Variants in PRH1 observed in about 807,000 individuals in gnomAD.
PRH1 encodes the protein proline rich protein HaeIII subfamily 1.
In PRH1, 7 loss-of-function variants were observed where a neutral mutation model predicts 7.9. The ratio of observed to expected loss-of-function variants is 0.89; its 90% confidence interval spans 0.50 to 1.67. The LOEUF (loss-of-function observed/expected upper bound fraction) is 1.67, where lower values mean the gene tolerates loss of function less well. Ranked by LOEUF, PRH1 falls within the 40% of genes most tolerant of loss-of-function variation. The pLI is 0.00. For synonymous variants in PRH1, 45 were observed against 80.8 expected (o/e 0.56, Z 2.38); for missense variants, 109 against 223.6 (o/e 0.49, Z 3.27).
rs758094150 is a variant in PRH1 at position 11,022,385 on chromosome 12, A to C, written c.-126+24635T>G. 12 of 1,614,084 alleles carry C rather than the reference A, an allele frequency of 7.4e-6. No homozygotes were observed. The Admixed American group carries it at 2.0e-4, about 27-fold the overall frequency. ...AACACAGTTGCATACCAAAGGAATAACATGACCCAGAGTAAACCAATTCTG... is the reference window on the plus strand; with the variant it reads ...AACACAGTTGCATACCAAAGGAATACCATGACCCAGAGTAAACCAATTCTG... On this transcript the variant is annotated intron_variant, in intron 1 of 3. Transcript: ENST00000539853.
At chr12:10,923,218 C>T (rs1950077038) in intron 2 of PRH1, among the ~76,000 whole-genome samples, 2 of 151,866 alleles carry the variant, frequency 1.3e-5, no homozygotes, top group African/African-American at 4.8e-5. Flanking sequence ...CTCTGCCTCC[C>T]AGGTTCAAGT....
At chr12:11,151,713 T>C (rs1947092138) in intron 1 of PRH1, among the ~76,000 whole-genome samples, 1 of 152,216 alleles carries the variant, frequency 6.6e-6, no homozygotes, top group Admixed American at 6.5e-5. Flanking sequence ...AGATTGCCTG[T>C]AGTTGTTTAG....
chr12:11,157,068 G>C (rs960077389), intron 1 of PRH1, among the ~76,000 whole-genome samples: 1 of 151,708 alleles, frequency 6.6e-6, no homozygotes, highest in East Asian at 1.9e-4. Flanking sequence ...GGATGGTCTC[G>C]ATCTCCTGAC....
chr12:11,082,232 G>A (rs972769839), intron 1 of PRH1, among the ~76,000 whole-genome samples: 1 of 116,028 alleles, frequency 8.6e-6, no homozygotes, highest in South Asian at 2.3e-4. Context: ...TTTAATAAAT[G>A]TGATTTTGGT....
At chr12:11,145,341 T>C (rs1275274740) in intron 1 of PRH1, among the ~76,000 whole-genome samples, 2 of 152,106 alleles carry the variant, frequency 1.3e-5, no homozygotes, top group African/African-American at 2.4e-5. Context: ...TACAGATACA[T>C]AACACCATGC....
At chr12:10,887,298 G>A (rs1207826366), upstream of PRH1, among the ~76,000 whole-genome samples, 1 of 151,726 alleles carries the variant, frequency 6.6e-6, no homozygotes, top group Non-Finnish European at 1.5e-5. Flanking sequence ...GTCTGGCAGT[G>A]TTATGAATTG....
At chr12:11,038,394 A>T (rs192978677) in intron 1 of PRH1, among the ~76,000 whole-genome samples, 1 of 152,256 alleles carries the variant, frequency 6.6e-6, no homozygotes, top group South Asian at 2.1e-4. Flanking sequence ...TGACTATCCC[A>T]GTTGTTATGA....
intron 1 of PRH1, chr12:10,997,385 CA>C: frequency 6.2e-7 from 1 of 1,614,096 alleles, no homozygotes; most frequent in Non-Finnish European, 8.5e-7. Context: ...TTTGATCTTC[CA>C]AGTTACGTTT....
At chr12:11,151,385 T>A (rs1565707815) in intron 1 of PRH1, among the ~76,000 whole-genome samples, 1 of 151,814 alleles carries the variant, frequency 6.6e-6, no homozygotes, top group African/African-American at 2.4e-5. Context: ...AGTTGAGAAA[T>A]GCACAGAGGG....
At chr12:11,033,730 T>C (rs1462503486) in intron 1 of PRH1, among the ~76,000 whole-genome samples, 5 of 152,222 alleles carry the variant, frequency 3.3e-5, no homozygotes, top group Admixed American at 2.6e-4. Context: ...TATAGGAATG[T>C]ATACAAATAA....
At chr12:11,116,196 A>C (rs376009913), downstream of PRH1, among the ~76,000 whole-genome samples, 16 of 152,196 alleles carry the variant, frequency 1.1e-4, no homozygotes, top group East Asian at 1.2e-3. Flanking sequence ...CAGACATGAA[A>C]GCAGAGATAT....
At chr12:11,141,624 T>C (rs1946706691) in intron 1 of PRH1, among the ~76,000 whole-genome samples, 1 of 152,234 alleles carries the variant, frequency 6.6e-6, no homozygotes, top group Non-Finnish European at 1.5e-5. Context: ...AAAATACAGA[T>C]GATAATAATA....
chr12:11,016,432 G>A (rs1311259335), intron 1 of PRH1, among the ~76,000 whole-genome samples: 1 of 152,190 alleles, frequency 6.6e-6, no homozygotes, highest in East Asian at 1.9e-4. Flanking sequence ...GGAGTCTCCT[G>A]TCTCATCTTT....
intron 1 of PRH1, among the ~76,000 whole-genome samples, chr12:11,153,824 T>A (rs955720043): frequency 3.3e-5 from 5 of 152,074 alleles, no homozygotes; most frequent in African/African-American, 1.2e-4. Context: ...CTGAGATATA[T>A]GAGTAGAAAT....
intron 2 of PRH1, chr12:10,909,376 T>C (rs953407295): frequency 3.0e-6 from 3 of 995,826 alleles, no homozygotes; most frequent in Non-Finnish European, 4.5e-6. Flanking sequence ...CATCCTTGAG[T>C]GTCCAGTGGA....
chr12:11,078,310 A>G (rs72477431), intron 1 of PRH1: 67,664 of 191,714 alleles, frequency 0.35, 11,046 homozygotes, highest in Admixed American at 0.4. Context: ...TTAATATCCA[A>G]ACATTAACTT....
At chr12:11,060,221 AAT>A (rs1446289796) in intron 1 of PRH1, among the ~76,000 whole-genome samples, 2 of 152,188 alleles carry the variant, frequency 1.3e-5, no homozygotes, top group Non-Finnish European at 2.9e-5. Context: ...CCTATTAATG[AAT>A]ATGTCAACCA....
chr12:11,169,507 A>T (rs1332372392), intron 1 of PRH1, among the ~76,000 whole-genome samples: 2 of 152,104 alleles, frequency 1.3e-5, no homozygotes, highest in Non-Finnish European at 2.9e-5. Flanking sequence ...CTCAGGGTGG[A>T]AGATAAGGTT....
upstream of PRH1, chr12:11,049,082 TA>T: frequency 2.9e-6 from 1 of 345,796 alleles, no homozygotes; most frequent in Non-Finnish European, 5.6e-6. Context: ...TGACCCAGAG[TA>T]AACCAACTCT....
Sources: gnomAD v4.1 joint callset for allele counts (sites outside exome capture counted in the v4.1 genomes callset) on GRCh38, gnomAD v4.1.1 for gene constraint, MANE v1.5 for transcripts, NCBI Gene and HGNC (gene_info 2026-07-23, HGNC 2026-07-21) for gene names.